Variants in CSMD3 observed in about 807,000 individuals in gnomAD.
CSMD3 encodes the protein CUB and Sushi multiple domains 3.
A neutral mutation model predicts 435.2 loss-of-function variants in CSMD3; 177 were observed. That is an observed-to-expected ratio of 0.41 (90% CI 0.36 to 0.46). The LOEUF is 0.46. Among genes scored for constraint, CSMD3 ranks in the 20% least tolerant of loss-of-function variants. The pLI is 0.34. For missense variants in CSMD3, 4,265 were observed against 4,504.6 expected (o/e 0.95, Z 1.52); for synonymous variants, 1,656 against 1,520.5 (o/e 1.09, Z -2.07).
At chr8:112,399,318 T>A (rs551818171) in intron 35 of CSMD3, among the ~76,000 whole-genome samples, 3 of 151,386 alleles carry the variant, frequency 2.0e-5, no homozygotes, top group African/African-American at 7.3e-5. Context: ...TGGAGTGCAA[T>A]GGTGTATTCT....
intron 10 of CSMD3, among the ~76,000 whole-genome samples, chr8:112,890,864 A>C (rs1037842799): frequency 2.6e-5 from 4 of 151,658 alleles, no homozygotes; most frequent in Non-Finnish European, 5.9e-5. Context: ...TGGAGCAGTC[A>C]GTTAATGTTT....
chr8:112,339,266 G>T (rs1172828405), intron 42 of CSMD3, among the ~76,000 whole-genome samples: 11 of 151,686 alleles, frequency 7.3e-5, no homozygotes, highest in African/African-American at 2.7e-4. Flanking sequence ...GTTGCTTTTT[G>T]CAACCAATCA....
chr8:113,272,993 AAC>A, intron 3 of CSMD3, among the ~76,000 whole-genome samples: 1 of 152,058 alleles, frequency 6.6e-6, no homozygotes, highest in Admixed American at 6.6e-5. Context: ...ATTCTAAAAT[AAC>A]TAGTGAAGTG....
chr8:113,164,707 G>A (rs1223488691), intron 4 of CSMD3, among the ~76,000 whole-genome samples: 1 of 151,874 alleles, frequency 6.6e-6, no homozygotes, highest in Admixed American at 6.6e-5. Flanking sequence ...TCACTGAATG[G>A]TTCAACCACG....
intron 32 of CSMD3, among the ~76,000 whole-genome samples, chr8:112,456,000 T>G (rs1492662): frequency 1.3e-5 from 2 of 151,580 alleles, no homozygotes; most frequent in African/African-American, 4.8e-5. Context: ...TTTATTCATA[T>G]AAACCACACT....
At chr8:112,905,008 G>T (rs2082217361) in intron 10 of CSMD3, among the ~76,000 whole-genome samples, 1 of 151,188 alleles carries the variant, frequency 6.6e-6, no homozygotes, top group Admixed American at 6.6e-5. Flanking sequence ...TGATAAAAAT[G>T]GAATGGATTT....
At chr8:112,604,800 T>C (rs1159018943) in intron 22 of CSMD3, among the ~76,000 whole-genome samples, 1 of 152,004 alleles carries the variant, frequency 6.6e-6, no homozygotes, top group Non-Finnish European at 1.5e-5. Context: ...CTAATTGAAC[T>C]AAAGAGCTTT....
intron 3 of CSMD3, among the ~76,000 whole-genome samples, chr8:113,217,118 C>T (rs963737194): frequency 2.0e-5 from 3 of 151,740 alleles, no homozygotes; most frequent in African/African-American, 7.3e-5. Context: ...CAAGCCATAA[C>T]ATTTCTCTTG....
intron 23 of CSMD3, among the ~76,000 whole-genome samples, chr8:112,577,278 C>T (rs942337838): frequency 6.6e-6 from 1 of 151,972 alleles, no homozygotes; most frequent in African/African-American, 2.4e-5. Flanking sequence ...AGGGAGAAAG[C>T]AGTGTAACCA....
chr8:113,020,947 G>A (rs1021379490), intron 5 of CSMD3, among the ~76,000 whole-genome samples: 1 of 152,144 alleles, frequency 6.6e-6, no homozygotes, highest in African/African-American at 2.4e-5. Flanking sequence ...TAAGATGTGT[G>A]GGAGCTAGCC....
chr8:113,355,795 T>TGTGTG (rs66729311), intron 1 of CSMD3, among the ~76,000 whole-genome samples: 14,889 of 117,624 alleles, frequency 0.13, 1,547 homozygotes, highest in East Asian at 0.19. Flanking sequence ...GTGTGTGTGT[T>TGTGTG]TGTCAACTAT....
At chr8:113,391,681 G>A (rs2094461719) in intron 1 of CSMD3, among the ~76,000 whole-genome samples, 1 of 151,988 alleles carries the variant, frequency 6.6e-6, no homozygotes, top group Non-Finnish European at 1.5e-5. Flanking sequence ...AATGAATAGA[G>A]AATTAAATAT....
chr8:112,580,346 T>C (rs1458548533), intron 23 of CSMD3, among the ~76,000 whole-genome samples: 1 of 151,948 alleles, frequency 6.6e-6, no homozygotes, highest in Non-Finnish European at 1.5e-5. Context: ...TAGAGAAACA[T>C]TCCCTAGATG....
At chr8:112,877,246 TAAAA>T (rs989986344) in intron 10 of CSMD3, among the ~76,000 whole-genome samples, 2 of 151,278 alleles carry the variant, frequency 1.3e-5, no homozygotes, top group Non-Finnish European at 2.9e-5. Flanking sequence ...TTCACAGAAT[TAAAA>T]AAAACTACTT....
intron 6 of CSMD3, among the ~76,000 whole-genome samples, chr8:112,992,876 A>G (rs1350702734): frequency 6.6e-6 from 1 of 151,264 alleles, no homozygotes; most frequent in Non-Finnish European, 1.5e-5. Context: ...TTGCTGCTAT[A>G]AGAAAAAATA....
intron 5 of CSMD3, among the ~76,000 whole-genome samples, chr8:113,066,168 G>A (rs916706820): frequency 6.7e-6 from 1 of 149,392 alleles, no homozygotes; most frequent in Non-Finnish European, 1.5e-5. Flanking sequence ...GGACAAAAAA[G>A]CGAGACAAAT....
intron 10 of CSMD3, among the ~76,000 whole-genome samples, chr8:112,865,932 A>G (rs1261214582): frequency 6.6e-6 from 1 of 151,952 alleles, no homozygotes; most frequent in Non-Finnish European, 1.5e-5. Flanking sequence ...ATGTCTTCCA[A>G]TTTTTTTCCC....
intron 30 of CSMD3, among the ~76,000 whole-genome samples, chr8:112,494,449 G>C (rs796656226): frequency 2.0e-5 from 2 of 99,492 alleles, no homozygotes; most frequent in Non-Finnish European, 2.4e-5. Context: ...GTTTTCTTTT[G>C]TTTCTTTCTC....
chr8:113,310,755 C>T (rs1353424546), intron 2 of CSMD3: 1 of 151,520 alleles, frequency 6.6e-6, no homozygotes, highest in African/African-American at 2.4e-5. Context: ...TTGCTTCTGA[C>T]CTAGACATCC....
Sources: gnomAD v4.1 joint callset for allele counts (sites outside exome capture counted in the v4.1 genomes callset) on GRCh38, gnomAD v4.1.1 for gene constraint, MANE v1.5 for transcripts, NCBI Gene and HGNC (gene_info 2026-07-23, HGNC 2026-07-21) for gene names.